CHD1: variants seen among roughly 807,000 people sequenced by gnomAD.
CHD1 encodes the protein ATP-dependent chromatin remodeler CHD1.
A neutral mutation model predicts 224.2 loss-of-function variants in CHD1; 36 were observed. The observed-to-expected ratio is 0.16, with a 90% CI of 0.12 to 0.21. The LOEUF (loss-of-function observed/expected upper bound fraction) is 0.21, where lower values mean the gene tolerates loss of function less well. CHD1 is among the 10% of genes least tolerant of loss of function. The pLI, the probability that CHD1 is intolerant of heterozygous loss-of-function variation, is 1.00. For synonymous variants in CHD1, 668 were observed against 658.3 expected, an observed-to-expected ratio of 1.01 and a Z score of -0.23; for missense variants, 1,378 against 1,994.8, an observed-to-expected ratio of 0.69 and a Z score of 5.89.
intron 17 of CHD1, 118 bp downstream of exon 17, chr5:98,887,970 A>C (rs1314191918): frequency 1.8e-5 from 10 of 564,120 alleles, no homozygotes; most frequent in Non-Finnish European, 1.9e-5. Flanking sequence ...ATCTTTTTAA[A>C]GAAAAAGTAC....
chr5:98,915,870 A>G (rs115490301), intron 2 of CHD1, among the ~76,000 whole-genome samples: 1,525 of 152,292 alleles, frequency 0.01, 27 homozygotes, highest in African/African-American at 0.035. Flanking sequence ...AATAATATTT[A>G]AGTTAACGCA....
In CHD1 at chr5:98,901,673, A is replaced by G. The variant is rs569021850; in HGVS notation, c.438-338T>C. Among the ~76,000 whole-genome samples, 5 of 151,854 alleles carry G rather than the reference A, an allele frequency of 3.3e-5. No individual in the cohort carries two copies. In the East Asian group the frequency reaches 9.7e-4, roughly 29 times the overall value. On this transcript the variant is annotated intron_variant, in intron 5 of 35. Coordinates refer to ENST00000614616, the MANE Select transcript of CHD1 (RefSeq NM_001270.4). ...AATCCATGCCATTTTAATCCTCGAG[A>G]GGTTGTGATTTTGAAAAACACCTGT...
chr5:98,871,369 C>CAAAAAAA (rs61406690), intron 28 of CHD1, among the ~76,000 whole-genome samples: 4 of 46,778 alleles, frequency 8.6e-5, no homozygotes, highest in Non-Finnish European at 1.4e-4. Flanking sequence ...CCATTTTAGG[C>CAAAAAAA]AAAAAAAAAA....
chr5:98,879,457 G>C, intron 23 of CHD1, 95 bp downstream of exon 23: 1 of 1,119,374 alleles, frequency 8.9e-7, no homozygotes, highest in Non-Finnish European at 1.2e-6. Context: ...TACAAGAAAA[G>C]AAAACTATGG....
At chr5:98,910,819 G>A (rs1369980654) in intron 2 of CHD1, among the ~76,000 whole-genome samples, 1 of 151,586 alleles carries the variant, frequency 6.6e-6, no homozygotes, top group African/African-American at 2.4e-5. Context: ...ATGCACCATC[G>A]TTTCATGTGC....
intron 30 of CHD1, chr5:98,869,250 T>C (rs113053856): frequency 1.0e-6 from 1 of 985,630 alleles, no homozygotes; most frequent in East Asian, 1.1e-4. Flanking sequence ...ATTTTTTTAT[T>C]TGGATGTTTC....
chr5:98,872,117 G>A lies in CHD1; in HGVS notation c.3795C>T (p.Ile1265=). 6.2e-7 allele frequency: 1 copy of A among 1,613,278 alleles called. No individual in the cohort carries two copies. The highest frequency in any genetic ancestry group is 8.5e-7 in the Non-Finnish European group (1 of 1,179,354). ...CCCAGCTTCCATATCCATATTCATAGATGCCAATTAACAAATTGGAATCAT... is the reference window on the plus strand; with the variant it reads ...CCCAGCTTCCATATCCATATTCATAAATGCCAATTAACAAATTGGAATCAT... The part of the protein sequence containing the change: ...KEDDSNLLIG[I]YEYGYGSWEM... The change falls in exon 28 of 36, where the codon ATC becomes ATT. Residue 1265 remains isoleucine (I), a synonymous_variant. Coordinates refer to ENST00000614616, the MANE Select transcript of CHD1 (RefSeq NM_001270.4).
At chr5:98,914,403 A>T (rs185637218) in intron 2 of CHD1, among the ~76,000 whole-genome samples, 3 of 152,340 alleles carry the variant, frequency 2.0e-5, no homozygotes, top group African/African-American at 7.2e-5. Context: ...AACATTTGTG[A>T]AATAAACATT....
rs369875155 is a variant in CHD1 at position 98,862,497 on chromosome 5, G to A, written c.4427+911C>T. ...CCCCACCCTTTCCTTATAACAAACC[G>A]AATTTGAAATGGTACCTATTTGTAT... On this transcript the variant is annotated intron_variant, in intron 32 of 35. Coordinates refer to ENST00000614616, the MANE Select transcript of CHD1 (RefSeq NM_001270.4). 7.2e-5 allele frequency among the ~76,000 whole-genome samples: 11 copies of A among 152,018 alleles called. No homozygotes were observed. The South Asian group carries it at 1.0e-3, about 14-fold the overall frequency.
chr5:98,913,785 C>T (rs1752568715), intron 2 of CHD1, among the ~76,000 whole-genome samples: 1 of 117,704 alleles, frequency 8.5e-6, no homozygotes, highest in Non-Finnish European at 1.7e-5. Flanking sequence ...TTTCATAATA[C>T]AAATACATTC....
Position 98,869,868 on chromosome 5 carries a change from C to T in CHD1, c.3993G>A (p.Arg1331=), listed in dbSNP as rs199762293. Residue 1331 remains arginine, a synonymous_variant, in exon 30 of 36, where the codon AGG becomes AGA. Transcript: ENST00000614616. ...TATTCTTCTTAGCTCTTGCTTTTCTCCTCTTTGAACTTCCCTAAAAATCAT... is the reference window on the plus strand; with the variant it reads ...TATTCTTCTTAGCTCTTGCTTTTCTTCTCTTTGAACTTCCCTAAAAATCAT... ...EALSGAGSSK[R]RKARAKKNKA... 123 of 1,597,990 alleles carry T rather than the reference C, an allele frequency of 7.7e-5. No homozygotes were observed. The highest frequency in any genetic ancestry group is 9.7e-5 in the Non-Finnish European group (114 of 1,169,296).
chr5:98,860,062 C>A lies in CHD1; in HGVS notation c.4434G>T (p.Leu1478=), dbSNP rs747971086. 5.9e-6 allele frequency: 9 copies of A among 1,523,166 alleles called. 1 individual carries two copies. In the South Asian group the frequency reaches 1.1e-4, roughly 18 times the overall value. The allele number at this position is 1,523,166 out of a possible 1,614,324, so 94.4% of individuals were successfully genotyped here. A position where few individuals can be genotyped will look rare whatever the true frequency, so the allele number is the denominator to read the frequency against. Residue 1478 remains leucine (L), a synonymous_variant, in exon 33 of 36, where the codon CTG becomes CTT. Coordinates refer to ENST00000614616, the MANE Select transcript of CHD1 (RefSeq NM_001270.4). ...PEQIKQWRKN[L]WIFVSKFTEF... is the part of the protein sequence containing the mutation. ...CAGTAAACTTAGATACAAAAATCCACAGGTTTCTAGAAGAATTTAAAAAAA... is the reference window on the plus strand; with the variant it reads ...CAGTAAACTTAGATACAAAAATCCAAAGGTTTCTAGAAGAATTTAAAAAAA...
rs889618290 is a variant in CHD1, at chr5:98,854,951, CATA to C, written c.*1426_*1428del. The C allele has an allele frequency of 2.8e-4, 42 of 152,134 alleles. No homozygotes were observed. Among genetic ancestry groups the C allele is most frequent in the African/African-American group, 1.0e-3 (42 of 41,522 alleles). The allele number at this position is 152,134 out of a possible 1,614,324, so 9.4% of individuals were successfully genotyped here. On this transcript the variant is annotated 3_prime_UTR_variant, in exon 36 of 36. Coordinates refer to ENST00000614616, the MANE Select transcript of CHD1 (RefSeq NM_001270.4). ...ATCTGTGAATAAATATAAAGCATCC[CATA>C]ATAATATCTGTAGGAAGCCAAAAGG...
rs759359545 is a variant in CHD1, at chr5:98,879,716, A to C, written c.3073T>G (p.Ser1025Ala). ...TCAATGTCATCCTCATCCATATTTG[A>C]GAAGTTGGCAACCTGATAAATTTCA... ...LLSQFKVANFSNMDEDDIELE... is the reference protein window; with the variant it reads ...LLSQFKVANFANMDEDDIELE... The change falls in exon 23 of 36, where the codon TCA becomes GCA. Residue 1025 changes from serine (S) to alanine (A), a missense_variant. This residue lies in a region of CHD1 where 286 missense variants were observed against 445.1 expected (regional missense o/e 0.64). Transcript: ENST00000614616. 2 of 1,592,038 alleles carry C rather than the reference A, an allele frequency of 1.3e-6. No individual in the cohort carries two copies. Among genetic ancestry groups the C allele is most frequent in the South Asian group, 1.2e-5 (1 of 86,062 alleles).
At chr5:98,876,859 G>A (rs1262248053) in intron 23 of CHD1, among the ~76,000 whole-genome samples, 2 of 152,186 alleles carry the variant, frequency 1.3e-5, no homozygotes, top group Non-Finnish European at 2.9e-5. Flanking sequence ...GATCAATAAA[G>A]TAATTTACAT....
At chr5:98,898,496 CA>C (rs1751488163) in intron 9 of CHD1, 62 bp from the exon 10 acceptor site, 4 of 1,373,480 alleles carry the variant, frequency 2.9e-6, no homozygotes, top group Non-Finnish European at 3.9e-6. Context: ...TCATCAGATA[CA>C]TAATTCTTAG....
chr5:98,873,488 T>A, intron 26 of CHD1, 105 bp downstream of exon 26: 1 of 880,460 alleles, frequency 1.1e-6, no homozygotes, highest in Non-Finnish European at 1.6e-6. Context: ...AATAACCTTT[T>A]GAGACTGATG....
At chr5:98,901,525 A>G (rs1444834510) in intron 5 of CHD1, among the ~76,000 whole-genome samples, 190 bp from the exon 6 acceptor site, 2 of 152,058 alleles carry the variant, frequency 1.3e-5, no homozygotes, top group Non-Finnish European at 2.9e-5. Context: ...TTCTCTCACA[A>G]CTCTAGTTTT....
At position 98,872,575 on chromosome 5, in the gene CHD1, AC is replaced by A. The variant is rs542790476; in HGVS notation, c.3572-21del. The A allele has an allele frequency of 2.1e-5, 34 of 1,607,564 alleles. No homozygotes were observed. The African/African-American group carries it at 3.6e-4, about 17-fold the overall frequency. On this transcript the variant is annotated intron_variant, in intron 26 of 35. Transcript: ENST00000614616. ...TACCACCTTGATTTTTTTTAAAAAA[AC>A]CAGTATTTTTAAAAGTATAAAACAT... is the stretch of plus-strand genomic sequence containing the variant.
Sources: allele counts gnomAD v4.1 joint callset (sites outside exome capture counted in the v4.1 genomes callset), GRCh38; gene constraint gnomAD v4.1.1; regional missense constraint gnomAD v4.1.1; transcripts MANE v1.5; gene names NCBI Gene and HGNC (gene_info 2026-07-23, HGNC 2026-07-21).